The following GALNT13 variants were observed in gnomAD, a reference collection of about 807,000 sequenced individuals.
GALNT13 encodes UDP-GalNAc:polypeptide N-acetylgalactosaminyltransferase 13.
GALNT13 carries 28 observed loss-of-function variants against 64.2 expected under a neutral mutation model. That is an observed-to-expected ratio of 0.44 (90% CI 0.32 to 0.60). GALNT13 has a LOEUF of 0.60. GALNT13 is among the 20% of genes least tolerant of loss of function. The pLI is 0.05. For missense variants in GALNT13, 577 were observed against 669.8 expected (o/e 0.86, Z 1.53); for synonymous variants, 214 against 224.6 (o/e 0.95, Z 0.42).
At chr2:154,405,473 G>A (rs1255375532) in intron 10 of GALNT13, among the ~76,000 whole-genome samples, 2 of 151,830 alleles carry the variant, frequency 1.3e-5, no homozygotes, top group Non-Finnish European at 2.9e-5. Context: ...TAGGCAGGGT[G>A]CAGTGGCTCA....
the GALNT13 span, among the ~76,000 whole-genome samples, chr2:153,116,944 C>T: frequency 2.3e-3 from 342 of 151,672 alleles, 2 homozygotes; most frequent in African/African-American, 8.0e-3. Context: ...GGACTACAGG[C>T]GCCCGCCACC....
the GALNT13 span, among the ~76,000 whole-genome samples, chr2:153,165,522 A>T: frequency 6.6e-6 from 1 of 152,264 alleles, no homozygotes; most frequent in Non-Finnish European, 1.5e-5. Context: ...GGTCATGATT[A>T]ACATTTAGAA....
chr2:153,875,761 C>G (rs1574020764), intron 1 of GALNT13, among the ~76,000 whole-genome samples: 1 of 152,310 alleles, frequency 6.6e-6, no homozygotes. Context: ...TTAAGCCTTA[C>G]TGTCTAAAAT....
Position 153,934,043 on chromosome 2 carries a change from C to A in GALNT13, c.-104-10351C>A, listed in dbSNP as rs138291174. 2.4e-3 allele frequency among the ~76,000 whole-genome samples: 369 copies of A among 152,184 alleles called. 9 individuals are homozygous for A. In the East Asian group the frequency reaches 0.055, roughly 23 times the overall value. On this transcript the variant is annotated intron_variant, in intron 2 of 12. Transcript: ENST00000392825. ...CTTTAACATTTTTCTTTCATGTTGA[C>A]CTTGGAGAATCTGATGACTGCATGT...
At chr2:153,361,686 A>G in the GALNT13 span, among the ~76,000 whole-genome samples, 1 of 152,168 alleles carries the variant, frequency 6.6e-6, no homozygotes, top group African/African-American at 2.4e-5. Context: ...AAAGAATGAA[A>G]AGGAACAAAC....
chr2:153,354,617 G>C, the GALNT13 span, among the ~76,000 whole-genome samples: 1 of 152,256 alleles, frequency 6.6e-6, no homozygotes, highest in African/African-American at 2.4e-5. Context: ...ATAAGAGTCA[G>C]TAGTTATGAG....
chr2:153,350,403 G>A, the GALNT13 span, among the ~76,000 whole-genome samples: 1 of 85,470 alleles, frequency 1.2e-5, no homozygotes, highest in African/African-American at 6.3e-5. Context: ...TTTTTTTTGA[G>A]ACGGAGTTGC....
At chr2:153,318,808 T>C in the GALNT13 span, among the ~76,000 whole-genome samples, 7 of 152,334 alleles carry the variant, frequency 4.6e-5, no homozygotes, top group Admixed American at 3.3e-4. Flanking sequence ...TAGAAATCAT[T>C]TTGTGATATG....
chr2:154,198,688 G>A (rs1687010983), intron 4 of GALNT13, among the ~76,000 whole-genome samples: 1 of 151,432 alleles, frequency 6.6e-6, no homozygotes, highest in Admixed American at 6.6e-5. Context: ...GAATATAAAT[G>A]TTATTAACTT....
chr2:154,295,348 T>TTTTATTTTATTTATTTA (rs1553510430), intron 8 of GALNT13, among the ~76,000 whole-genome samples: 1 of 142,222 alleles, frequency 7.0e-6, no homozygotes, highest in South Asian at 2.3e-4. Context: ...ATTCTTTTTA[T>TTTTATTTTATTTATTTA]TTTATTTATT....
At chr2:153,728,443 C>G in the GALNT13 span, among the ~76,000 whole-genome samples, 1 of 152,080 alleles carries the variant, frequency 6.6e-6, no homozygotes, top group South Asian at 2.1e-4. Flanking sequence ...TATTTGAAAC[C>G]AATGAGAACA....
chr2:153,362,678 G>T, the GALNT13 span, among the ~76,000 whole-genome samples: 1 of 151,820 alleles, frequency 6.6e-6, no homozygotes, highest in Non-Finnish European at 1.5e-5. Flanking sequence ...AATTCAACAG[G>T]AAGAGCTAAC....
the GALNT13 span, among the ~76,000 whole-genome samples, chr2:153,262,611 G>T: frequency 1.3e-5 from 2 of 152,078 alleles, no homozygotes. Context: ...TGACCACCAA[G>T]TTGGCTTCAT....
chr2:153,540,663 G>T, the GALNT13 span, among the ~76,000 whole-genome samples: 2 of 152,240 alleles, frequency 1.3e-5, no homozygotes, highest in Non-Finnish European at 2.9e-5. Flanking sequence ...AAGTCCATGG[G>T]AGCCCACCTC....
At chr2:154,424,066 A>G (rs1290591519) in intron 11 of GALNT13, among the ~76,000 whole-genome samples, 1 of 152,240 alleles carries the variant, frequency 6.6e-6, no homozygotes, top group Admixed American at 6.5e-5. Flanking sequence ...TCAAAAAGAT[A>G]AAAGTCTGAA....
Position 153,872,627 on chromosome 2 carries a change from G to A in GALNT13, c.-177+324G>A, listed in dbSNP as rs112006830. ...CGGTGAGTTGTTGGTGGCGGGGGGG[G>A]GGGGGGGAGCGGCTCTGGCCCCCTC... On this transcript the variant is annotated intron_variant, in intron 1 of 12. Transcript: ENST00000392825. Among the ~76,000 whole-genome samples, 108 of 99,386 alleles carry A rather than the reference G, an allele frequency of 1.1e-3. 3 individuals are homozygous for A. Among genetic ancestry groups the A allele is most frequent in the Non-Finnish European group, 1.6e-3 (74 of 44,852 alleles). The allele number at this position is 99,386 out of a possible 152,430, so 65.2% of individuals were successfully genotyped here. A position where few individuals can be genotyped will look rare whatever the true frequency, so the allele number is the denominator to read the frequency against.
chr2:154,382,096 A>G (rs746703465), intron 9 of GALNT13, among the ~76,000 whole-genome samples: 2 of 152,108 alleles, frequency 1.3e-5, no homozygotes, highest in African/African-American at 4.8e-5. Flanking sequence ...AACAAACTAC[A>G]TTACACACAT....
At chr2:153,330,919 T>C in the GALNT13 span, among the ~76,000 whole-genome samples, 1 of 152,190 alleles carries the variant, frequency 6.6e-6, no homozygotes, top group African/African-American at 2.4e-5. Flanking sequence ...GGGTTTGTCA[T>C]AGATGGCTCT....
chr2:154,376,475 A>G (rs940388056), intron 9 of GALNT13, among the ~76,000 whole-genome samples: 3 of 152,202 alleles, frequency 2.0e-5, no homozygotes, highest in African/African-American at 2.4e-5. Flanking sequence ...TTTTAAAAGA[A>G]TGTAAGAATT....
Sources: gnomAD v4.1 joint callset for allele counts (sites outside exome capture counted in the v4.1 genomes callset) on GRCh38, gnomAD v4.1.1 for gene constraint, MANE v1.5 for transcripts, NCBI Gene and HGNC (gene_info 2026-07-23, HGNC 2026-07-21) for gene names.